HYDIN: variants seen among roughly 807,000 people sequenced by gnomAD.
The protein encoded by HYDIN is HYDIN axonemal central pair apparatus protein, also known as axonemal central pair apparatus protein HYDIN.
Under a neutral mutation model 403.9 loss-of-function variants are expected in HYDIN, and 132 were observed. That is an observed-to-expected ratio of 0.33 (90% confidence interval 0.28 to 0.38). The LOEUF (loss-of-function observed/expected upper bound fraction) is 0.38, where lower values mean the gene tolerates loss of function less well. Among genes scored for constraint, HYDIN ranks in the 10% least tolerant of loss-of-function variants. The pLI is 1.00. For synonymous variants in HYDIN, 1,202 were observed against 1,891.7 expected (o/e 0.64, Z 9.46); for missense variants, 2,827 against 5,009.5 (o/e 0.56, Z 13.15).
chr16:70,820,105 C>G (rs1194628859), intron 83 of HYDIN, among the ~76,000 whole-genome samples: 1 of 149,716 alleles, frequency 6.7e-6, no homozygotes, highest in Non-Finnish European at 1.5e-5. Flanking sequence ...CAGGCTTGAG[C>G]CACCGCGCCT....
In HYDIN at chr16:71,067,520, A is replaced by G; in HGVS notation, c.1975-130T>C. 6.2e-6 allele frequency: 3 copies of G among 485,376 alleles called. No individual in the cohort carries two copies. The South Asian group carries it at 7.5e-5, about 12-fold the overall frequency. The allele number at this position is 485,376 out of a possible 1,614,324, so 30.1% of individuals were successfully genotyped here. A position where few individuals can be genotyped will look rare whatever the true frequency, so the allele number is the denominator to read the frequency against. ...GCTTTATGGATATATAGCATTTTACATTTTTAGTTGACAAGTTACATTGTG... is the reference window on the plus strand; with the variant it reads ...GCTTTATGGATATATAGCATTTTACGTTTTTAGTTGACAAGTTACATTGTG... On this transcript the variant is annotated intron_variant, in intron 14 of 85. Transcript: ENST00000393567.
At chr16:71,170,323 G>A (rs1043911800) in intron 5 of HYDIN, among the ~76,000 whole-genome samples, 1 of 152,194 alleles carries the variant, frequency 6.6e-6, no homozygotes, top group African/African-American at 2.4e-5. Flanking sequence ...AGTGATGTAG[G>A]GAATGATCTT....
At chr16:70,874,693 A>T in intron 63 of HYDIN, 101 bp from the exon 64 acceptor site, 2 of 1,158,616 alleles carry the variant, frequency 1.7e-6, no homozygotes, top group Non-Finnish European at 2.4e-6. Context: ...AATGGGAACG[A>T]GCCTTAGCTA....
At chr16:70,808,958 G>T (rs1200450630) in intron 85 of HYDIN, among the ~76,000 whole-genome samples, 1 of 152,230 alleles carries the variant, frequency 6.6e-6, no homozygotes, top group Admixed American at 6.5e-5. Context: ...GACAGAAGAT[G>T]TCTGGGTGCC....
At chr16:70,966,239 A>C (rs1055596457) in intron 36 of HYDIN, among the ~76,000 whole-genome samples, 5 of 152,160 alleles carry the variant, frequency 3.3e-5, no homozygotes, top group Admixed American at 3.3e-4. Flanking sequence ...TCCCACATGC[A>C]AATCTCAAGT....
At chr16:71,145,494 C>G (rs1328970071) in intron 7 of HYDIN, among the ~76,000 whole-genome samples, 1 of 152,144 alleles carries the variant, frequency 6.6e-6, no homozygotes. Context: ...ACCTTGTGAT[C>G]TGCCTGCCTT....
At chr16:71,125,230 T>G (rs968675103) in intron 9 of HYDIN, among the ~76,000 whole-genome samples, 222 of 152,148 alleles carry the variant, frequency 1.5e-3, no homozygotes, top group Non-Finnish European at 2.3e-3. Flanking sequence ...TTTTCATGGC[T>G]TCAGTGAAGA....
intron 22 of HYDIN, among the ~76,000 whole-genome samples, chr16:71,019,212 T>C (rs2080379155): frequency 6.6e-6 from 1 of 152,238 alleles, no homozygotes; most frequent in African/African-American, 2.4e-5. Flanking sequence ...TTTTTAGGCA[T>C]TGCTCAATTC....
intron 53 of HYDIN, among the ~76,000 whole-genome samples, chr16:70,898,757 T>C (rs1348736071): frequency 6.6e-6 from 1 of 151,896 alleles, no homozygotes; most frequent in Non-Finnish European, 1.5e-5. Flanking sequence ...ATTTTTTTTT[T>C]TTTTGAGACA....
At chr16:71,226,220 A>G (rs1360027603) in intron 1 of HYDIN, among the ~76,000 whole-genome samples, 1 of 152,256 alleles carries the variant, frequency 6.6e-6, no homozygotes, top group African/African-American at 2.4e-5. Flanking sequence ...AGTTCATTTG[A>G]GAAACAAAAA....
At chr16:71,078,262 A>T (rs1473598764) in intron 13 of HYDIN, among the ~76,000 whole-genome samples, 2 of 150,274 alleles carry the variant, frequency 1.3e-5, no homozygotes, top group Admixed American at 1.3e-4. Context: ...TGTTTGACCT[A>T]GTGTCTTTTC....
intron 1 of HYDIN, chr16:71,204,141 A>G (rs547404810): frequency 5.8e-6 from 1 of 172,664 alleles, no homozygotes; most frequent in South Asian, 1.5e-4. Flanking sequence ...ATTTTCTCCA[A>G]GTGCTAACAA....
chr16:71,150,602 C>A (rs1245125187), intron 7 of HYDIN, among the ~76,000 whole-genome samples: 4 of 149,820 alleles, frequency 2.7e-5, no homozygotes, highest in Non-Finnish European at 4.4e-5. Flanking sequence ...TATAACCCTT[C>A]CAGAAGTAAA....
At chr16:70,877,157 C>T (rs2040495263) in intron 62 of HYDIN, among the ~76,000 whole-genome samples, 1 of 146,318 alleles carries the variant, frequency 6.8e-6, no homozygotes, top group African/African-American at 2.7e-5. Flanking sequence ...TAGAATGAAG[C>T]CCAGAGGAAA....
intron 2 of HYDIN, 119 bp downstream of exon 2, chr16:71,186,642 A>G (rs1434042025): frequency 1.3e-6 from 1 of 797,080 alleles, no homozygotes; most frequent in Non-Finnish European, 2.0e-6. Context: ...CATTATAACT[A>G]AATTGATATT....
At position 71,225,344 on chromosome 16, in the gene HYDIN, T is replaced by C. The variant is rs143282675; in HGVS notation, c.-24+5218A>G. 4.6e-5 allele frequency among the ~76,000 whole-genome samples: 7 copies of C among 152,324 alleles called. No individual in the cohort carries two copies. In the East Asian group the frequency reaches 1.4e-3, roughly 29 times the overall value. On this transcript the variant is annotated intron_variant, in intron 1 of 85. Transcript: ENST00000393567. Reference sequence around the variant, plus strand: ...ACAACACTGAAAAAGAAACTAGCCCTGGCCCTGAGCCAAATTCCTTAAACT... The same window carrying C: ...ACAACACTGAAAAAGAAACTAGCCCCGGCCCTGAGCCAAATTCCTTAAACT...
chr16:70,930,476 G>A, intron 45 of HYDIN, among the ~76,000 whole-genome samples: 1 of 151,442 alleles, frequency 6.6e-6, no homozygotes, highest in Non-Finnish European at 1.5e-5. Flanking sequence ...GTGAGACTCT[G>A]TCTCAAAAGA....
intron 50 of HYDIN, among the ~76,000 whole-genome samples, chr16:70,904,925 A>T (rs1012568859): frequency 3.3e-5 from 5 of 151,894 alleles, no homozygotes; most frequent in Admixed American, 3.3e-4. Context: ...CACTGTTAGG[A>T]GGCAGTTTCT....
chr16:70,951,270 GA>G, intron 41 of HYDIN, among the ~76,000 whole-genome samples: 1 of 151,306 alleles, frequency 6.6e-6, no homozygotes, highest in African/African-American at 2.4e-5. Context: ...GAGAGAGAGA[GA>G]GAGAGAGAGG....
Sources: gnomAD v4.1 joint callset for allele counts (sites outside exome capture counted in the v4.1 genomes callset) on GRCh38, gnomAD v4.1.1 for gene constraint, MANE v1.5 for transcripts, NCBI Gene and HGNC (gene_info 2026-07-23, HGNC 2026-07-21) for gene names.